Variants in DENND5B observed in about 807,000 individuals in gnomAD.
DENND5B encodes DENN domain-containing protein 5B.
DENND5B carries 34 observed loss-of-function variants against 140.6 expected under a neutral mutation model. That is an observed-to-expected ratio of 0.24 (90% CI 0.18 to 0.32). The LOEUF is 0.32. Ranked by LOEUF, DENND5B falls within the 10% of genes least tolerant of loss-of-function variation. The probability of loss-of-function intolerance (pLI) is 1.00; values close to 1 mark genes in which losing one functional copy is unlikely to be tolerated. For synonymous variants in DENND5B, 551 were observed against 562.1 expected (o/e 0.98, Z 0.28); for missense variants, 1,142 against 1,560.2 (o/e 0.73, Z 4.52).
At chr12:31,406,044 C>T (rs553700261) in intron 14 of DENND5B, among the ~76,000 whole-genome samples, 1 of 148,290 alleles carries the variant, frequency 6.7e-6, no homozygotes, top group South Asian at 2.2e-4. Context: ...ACAGGGTTTC[C>T]CCATGTTGGC....
At chr12:31,433,310 T>C (rs1943600155) in intron 7 of DENND5B, 62 bp from the exon 8 acceptor site, 1 of 1,436,842 alleles carries the variant, frequency 7.0e-7, no homozygotes, top group South Asian at 1.3e-5. Flanking sequence ...GCATTAACCA[T>C]TCAACACAAA....
At chr12:31,410,264 C>T (rs1226637961) in intron 13 of DENND5B, among the ~76,000 whole-genome samples, 2 of 152,082 alleles carry the variant, frequency 1.3e-5, no homozygotes, top group Non-Finnish European at 2.9e-5. Flanking sequence ...AGGATTCAGT[C>T]CTAAAGAAAC....
rs1035387385 is a variant in DENND5B, at chr12:31,387,560, G to A, written c.*43C>T. 6.3e-7 allele frequency: 1 copy of A among 1,586,712 alleles called. No individual in the cohort carries two copies. The highest frequency in any genetic ancestry group is 1.3e-5 in the African/African-American group (1 of 74,430). Reference sequence around the variant, plus strand: ...CAAGTCCAAATCGGTCCCCTAGTTGGGGAAGGAGCAAGGTTTGGACTGAGA... The same window carrying A: ...CAAGTCCAAATCGGTCCCCTAGTTGAGGAAGGAGCAAGGTTTGGACTGAGA... On this transcript the variant is annotated 3_prime_UTR_variant, in exon 21 of 21. Transcript: ENST00000389082.
At position 31,384,927 on chromosome 12, in the gene DENND5B, C is replaced by T. The variant is rs954419814; in HGVS notation, c.*2676G>A. The T allele has an allele frequency of 6.6e-6, 1 of 151,822 alleles. No individual in the cohort carries two copies. The highest frequency in any genetic ancestry group is 1.5e-5 in the Non-Finnish European group (1 of 67,946). The allele number at this position is 151,822 out of a possible 1,614,324, so 9.4% of individuals were successfully genotyped here. On this transcript the variant is annotated 3_prime_UTR_variant, in exon 21 of 21. Transcript: ENST00000389082. ...AATTACAGGCCCTGCCACCACCCCCCCGCTAATTTTTGTCTATTTTTTTTT... is the reference window on the plus strand; with the variant it reads ...AATTACAGGCCCTGCCACCACCCCCTCGCTAATTTTTGTCTATTTTTTTTT...
intron 1 of DENND5B, among the ~76,000 whole-genome samples, chr12:31,525,050 G>C (rs1015662535): frequency 8.5e-5 from 13 of 152,148 alleles, no homozygotes; most frequent in Non-Finnish European, 1.9e-4. Context: ...ACACCCACTT[G>C]CATGACCAAA....
chr12:31,547,366 A>G (rs539637137), intron 1 of DENND5B, among the ~76,000 whole-genome samples: 2 of 152,308 alleles, frequency 1.3e-5, no homozygotes, highest in South Asian at 4.2e-4. Flanking sequence ...AATCTTAGAC[A>G]TGATTAGATG....
intron 1 of DENND5B, among the ~76,000 whole-genome samples, chr12:31,556,925 G>A (rs1949306271): frequency 6.6e-6 from 1 of 152,090 alleles, no homozygotes; most frequent in African/African-American, 2.4e-5. Context: ...TGTGTGCAAA[G>A]ATTTTCCCAC....
chr12:31,553,195 C>T (rs971748141), intron 1 of DENND5B, among the ~76,000 whole-genome samples: 29 of 152,286 alleles, frequency 1.9e-4, no homozygotes, highest in African/African-American at 6.3e-4. Context: ...CTCTTGTGGA[C>T]ATTTAGTGCT....
intron 15 of DENND5B, 31 bp downstream of exon 15, chr12:31,402,467 T>G (rs1417768339): frequency 1.3e-6 from 2 of 1,591,664 alleles, no homozygotes; most frequent in Non-Finnish European, 1.7e-6. Flanking sequence ...ACGTGATACA[T>G]TCTTCTAGGA....
chr12:31,583,705 A>AAAC (rs201934085), intron 1 of DENND5B, among the ~76,000 whole-genome samples: 50 of 151,436 alleles, frequency 3.3e-4, no homozygotes, highest in African/African-American at 7.0e-4. Flanking sequence ...AAACAAAAAC[A>AAAC]AACAACAACA....
chr12:31,437,146 CTTT>C (rs56299943), intron 7 of DENND5B, among the ~76,000 whole-genome samples: 1,774 of 144,958 alleles, frequency 0.012, 19 homozygotes, highest in East Asian at 0.031. Context: ...CTGCCCCCCC[CTTT>C]TTTTTTTTTT....
chr12:31,425,187 C>T (rs974094365), intron 9 of DENND5B, among the ~76,000 whole-genome samples: 5 of 152,226 alleles, frequency 3.3e-5, no homozygotes, highest in Admixed American at 2.6e-4. Flanking sequence ...TGGCACACGC[C>T]TGTAATCCCA....
chr12:31,565,603 C>T (rs946278122), intron 1 of DENND5B, among the ~76,000 whole-genome samples: 29 of 152,026 alleles, frequency 1.9e-4, no homozygotes, highest in African/African-American at 7.0e-4. Context: ...ATTAATGTTC[C>T]TTTTAAGTAT....
rs3074755 is a variant in DENND5B, at chr12:31,564,561, CTATTATTAT to C, written c.127+26136_127+26144del. 8.6e-3 allele frequency among the ~76,000 whole-genome samples: 1,175 copies of C among 136,040 alleles called. 17 individuals are homozygous for C. Among genetic ancestry groups the C allele is most frequent in the African/African-American group, 0.015 (558 of 36,754 alleles). 89.2% of individuals were successfully genotyped at this position (136,040 alleles called of 152,430 possible). A position where few individuals can be genotyped will look rare whatever the true frequency, so the allele number is the denominator to read the frequency against. On this transcript the variant is annotated intron_variant, in intron 1 of 20. Transcript: ENST00000389082. Reference sequence around the variant, plus strand: ...CCACTACCACCCCTCTCTTTTCATTCTATTATTATTATTATTATTATTATTATTATTATT... The same window carrying C: ...CCACTACCACCCCTCTCTTTTCATTCTATTATTATTATTATTATTATTATT...
intron 1 of DENND5B, among the ~76,000 whole-genome samples, chr12:31,507,584 T>C (rs1032702712): frequency 7.9e-5 from 12 of 152,304 alleles, no homozygotes; most frequent in African/African-American, 2.9e-4. Context: ...TTTTTGATCC[T>C]AGCCCATGTT....
Position 31,459,180 on chromosome 12 carries a change from G to C in DENND5B, c.1092+1014C>G, listed in dbSNP as rs531277112. On this transcript the variant is annotated intron_variant, in intron 4 of 20. Transcript: ENST00000389082. ...ATCCCGCCATTGCACTCCAGCCTGG[G>C]CAACAAGAGCGAAACTCCATCTCAA... Among the ~76,000 whole-genome samples, 649 of 150,434 alleles carry C rather than the reference G, an allele frequency of 4.3e-3. 1 individual carries two copies. The highest frequency in any genetic ancestry group is 7.8e-3 in the Non-Finnish European group (530 of 67,886).
At chr12:31,507,039 G>A (rs1947229653) in intron 1 of DENND5B, among the ~76,000 whole-genome samples, 1 of 152,168 alleles carries the variant, frequency 6.6e-6, no homozygotes, top group South Asian at 2.1e-4. Context: ...CACATAGTTG[G>A]TCCTTCCAGA....
chr12:31,422,223 T>C (rs1442411026), intron 11 of DENND5B, among the ~76,000 whole-genome samples: 1 of 145,888 alleles, frequency 6.9e-6, no homozygotes, highest in Non-Finnish European at 1.5e-5. Flanking sequence ...ATCGAGACCA[T>C]CCTGGCTAAC....
chr12:31,517,598 T>C (rs1947711010), intron 1 of DENND5B, among the ~76,000 whole-genome samples: 1 of 152,224 alleles, frequency 6.6e-6, no homozygotes, highest in African/African-American at 2.4e-5. Flanking sequence ...CTAACGATTG[T>C]ATTTGGACGT....
Sources: gnomAD v4.1 joint callset for allele counts (sites outside exome capture counted in the v4.1 genomes callset) on GRCh38, gnomAD v4.1.1 for gene constraint, MANE v1.5 for transcripts, NCBI Gene and HGNC (gene_info 2026-07-23, HGNC 2026-07-21) for gene names.